TSPAN9: variants seen among roughly 807,000 people sequenced by gnomAD.
The protein encoded by TSPAN9 is tetraspanin 9.
Under a neutral mutation model 31.0 loss-of-function variants are expected in TSPAN9, and 16 were observed. The ratio of observed to expected loss-of-function variants is 0.52; its 90% CI spans 0.35 to 0.78. TSPAN9 has a LOEUF of 0.78. Among genes scored for constraint, TSPAN9 ranks in the 30% least tolerant of loss-of-function variants. TSPAN9 has a pLI of 0.01. For synonymous variants in TSPAN9, 145 were observed against 121.6 expected, an observed-to-expected ratio of 1.19 and a Z score of -1.27; for missense variants, 272 against 312.5, an observed-to-expected ratio of 0.87 and a Z score of 0.98.
intron 2 of TSPAN9, among the ~76,000 whole-genome samples, chr12:3,098,143 T>TG (rs2098310063): frequency 1.3e-5 from 2 of 152,304 alleles, no homozygotes; most frequent in South Asian, 4.2e-4. Context: ...CCAGCTGGCC[T>TG]GGGGCAAGTC....
intron 8 of TSPAN9, 68 bp from the exon 9 acceptor site, chr12:3,282,977 C>T: frequency 1.9e-6 from 3 of 1,544,786 alleles, no homozygotes; most frequent in South Asian, 2.2e-5. Context: ...CATCCCAAGC[C>T]TCTCGGGGCT....
At chr12:3,094,149 A>G (rs2153963553) in intron 2 of TSPAN9, among the ~76,000 whole-genome samples, 1 of 152,266 alleles carries the variant, frequency 6.6e-6, no homozygotes, top group South Asian at 2.1e-4. Context: ...GGCATGAGTG[A>G]GCCACCACGC....
chr12:3,152,904 T>G (rs2153968749), intron 2 of TSPAN9, among the ~76,000 whole-genome samples: 1 of 152,338 alleles, frequency 6.6e-6, no homozygotes, highest in African/African-American at 2.4e-5. Flanking sequence ...CCTTCTTTTC[T>G]TATGCTGCAT....
At chr12:3,196,149 GGGA>G (rs1364904894) in intron 2 of TSPAN9, among the ~76,000 whole-genome samples, 3 of 152,218 alleles carry the variant, frequency 2.0e-5, no homozygotes, top group Non-Finnish European at 2.9e-5. Flanking sequence ...TGGTGAGAGA[GGGA>G]GGAGGAGGGA....
intron 2 of TSPAN9, among the ~76,000 whole-genome samples, chr12:3,095,633 C>CT (rs1382458144): frequency 2.1e-5 from 1 of 46,714 alleles, no homozygotes; most frequent in Admixed American, 1.5e-4. Flanking sequence ...GGAGGGCTGA[C>CT]CCCCCCCACC....
intron 2 of TSPAN9, among the ~76,000 whole-genome samples, chr12:3,105,262 C>T (rs891004511): frequency 3.3e-5 from 5 of 152,152 alleles, no homozygotes; most frequent in African/African-American, 1.2e-4. Context: ...CCGTCCTCTC[C>T]CAGGGGAGGG....
intron 2 of TSPAN9, among the ~76,000 whole-genome samples, chr12:3,085,657 T>C (rs2098300096): frequency 6.6e-6 from 1 of 152,178 alleles, no homozygotes. Flanking sequence ...GATTGGCTTC[T>C]TCAGGCCATT....
intron 2 of TSPAN9, among the ~76,000 whole-genome samples, chr12:3,177,393 T>TC (rs970797333): frequency 8.0e-5 from 12 of 150,024 alleles, no homozygotes; most frequent in Non-Finnish European, 1.8e-4. Flanking sequence ...CGCCTCGGCC[T>TC]CCCCAAGTGC....
chr12:3,138,334 G>T (rs906437217), intron 2 of TSPAN9, among the ~76,000 whole-genome samples: 2 of 152,092 alleles, frequency 1.3e-5, no homozygotes, highest in East Asian at 1.9e-4. Flanking sequence ...TCCTCACTGC[G>T]GGTCATTCAC....
At chr12:3,206,149 C>T (rs1186981676) in intron 3 of TSPAN9, 1 of 385,018 alleles carries the variant, frequency 2.6e-6, no homozygotes, top group Non-Finnish European at 5.4e-6. Flanking sequence ...ATGTGCCTGG[C>T]TGCCCTTGGC....
intron 2 of TSPAN9, among the ~76,000 whole-genome samples, chr12:3,095,724 C>T (rs1175119387): frequency 2.6e-5 from 4 of 151,984 alleles, no homozygotes; most frequent in Non-Finnish European, 5.9e-5. Context: ...GCGCTCCCCA[C>T]ATCTCAGACG....
intron 2 of TSPAN9, among the ~76,000 whole-genome samples, chr12:3,130,259 C>T (rs370264916): frequency 2.2e-4 from 34 of 152,370 alleles, no homozygotes; most frequent in African/African-American, 6.5e-4. Flanking sequence ...AAGCAGCCTG[C>T]GGTTTCGCCC....
chr12:3,089,503 G>T (rs56093454), intron 2 of TSPAN9, among the ~76,000 whole-genome samples: 1 of 151,844 alleles, frequency 6.6e-6, no homozygotes, highest in African/African-American at 2.4e-5. Context: ...TACCGTGTTG[G>T]CCAGGGTGGT....
At chr12:3,161,216 G>A (rs903634454) in intron 2 of TSPAN9, among the ~76,000 whole-genome samples, 1 of 133,040 alleles carries the variant, frequency 7.5e-6, no homozygotes, top group East Asian at 2.3e-4. Context: ...AGTGAAACTC[G>A]GTCTCAAAAA....
chr12:3,095,247 T>C (rs1358441577), intron 2 of TSPAN9, among the ~76,000 whole-genome samples: 1 of 135,170 alleles, frequency 7.4e-6, no homozygotes, highest in Non-Finnish European at 1.6e-5. Context: ...CAGAACAAAA[T>C]GAAAAGTCTC....
intron 3 of TSPAN9, among the ~76,000 whole-genome samples, chr12:3,240,601 T>A (rs1303269336): frequency 1.3e-5 from 2 of 152,302 alleles, no homozygotes; most frequent in East Asian, 3.9e-4. Context: ...TGTCTGTCGC[T>A]ATACTACCTC....
chr12:3,178,436 A>T (rs1455830541), intron 2 of TSPAN9, among the ~76,000 whole-genome samples: 1 of 152,070 alleles, frequency 6.6e-6, no homozygotes, highest in Non-Finnish European at 1.5e-5. Context: ...AATTACAGGC[A>T]TGCACTACCA....
intron 2 of TSPAN9, among the ~76,000 whole-genome samples, chr12:3,087,598 G>A (rs1198944232): frequency 2.0e-5 from 3 of 152,144 alleles, no homozygotes; most frequent in Non-Finnish European, 4.4e-5. Context: ...ATGAGGTCGA[G>A]AGTTCGAGAT....
At chr12:3,092,065 G>A (rs1215181739) in intron 2 of TSPAN9, among the ~76,000 whole-genome samples, 3 of 152,188 alleles carry the variant, frequency 2.0e-5, no homozygotes, top group Non-Finnish European at 4.4e-5. Flanking sequence ...CTGGCATCAC[G>A]GACAAGAAAA....
Sources: gnomAD v4.1 joint callset for allele counts (sites outside exome capture counted in the v4.1 genomes callset) on GRCh38, gnomAD v4.1.1 for gene constraint, MANE v1.5 for transcripts, NCBI Gene and HGNC (gene_info 2026-07-23, HGNC 2026-07-21) for gene names.